The following SCAPER variants were observed in gnomAD, a reference collection of about 807,000 sequenced individuals.
SCAPER encodes the protein S-phase cyclin A associated protein in the ER.
A neutral mutation model predicts 182.2 loss-of-function variants in SCAPER; 98 were observed. That is an observed-to-expected ratio of 0.54 (90% CI 0.46 to 0.64). The LOEUF is 0.64. Ranked by LOEUF, SCAPER falls within the 30% of genes least tolerant of loss-of-function variation. The pLI, the probability that SCAPER is intolerant of heterozygous loss-of-function variation, is 0.00. For missense variants in SCAPER, 1,432 were observed against 1,690.0 expected, an observed-to-expected ratio of 0.85 and a Z score of 2.68; for synonymous variants, 605 against 564.6, an observed-to-expected ratio of 1.07 and a Z score of -1.01.
intron 5 of SCAPER, among the ~76,000 whole-genome samples, chr15:76,813,244 A>C (rs1376188955): frequency 4.2e-4 from 24 of 56,710 alleles, no homozygotes; most frequent in African/African-American, 7.7e-4. Flanking sequence ...AAAAAAAAAA[A>C]AAAAAAAAAA....
intron 15 of SCAPER, 67 bp downstream of exon 15, chr15:76,753,738 TTAC>T (rs1336216274): frequency 1.4e-6 from 2 of 1,474,140 alleles, no homozygotes; most frequent in African/African-American, 2.8e-5. Context: ...TTATCTTCTA[TTAC>T]TATTATATAA....
At chr15:76,486,829 TC>T (rs2051700031) in intron 24 of SCAPER, among the ~76,000 whole-genome samples, 1 of 152,136 alleles carries the variant, frequency 6.6e-6, no homozygotes, top group Non-Finnish European at 1.5e-5. Context: ...AACCCAGCAG[TC>T]CCACTATTGG....
intron 27 of SCAPER, among the ~76,000 whole-genome samples, chr15:76,391,192 T>C (rs1481280072): frequency 6.6e-6 from 1 of 152,170 alleles, no homozygotes; most frequent in Non-Finnish European, 1.5e-5. Context: ...TAGAATACCC[T>C]TTGCTTGGGT....
At chr15:76,758,131 T>A (rs1036430553) in intron 14 of SCAPER, among the ~76,000 whole-genome samples, 5 of 152,208 alleles carry the variant, frequency 3.3e-5, no homozygotes, top group Non-Finnish European at 7.4e-5. Flanking sequence ...TTTTGTTGAC[T>A]GTGTTTTTCT....
At chr15:76,467,253 C>T (rs905139212) in intron 25 of SCAPER, among the ~76,000 whole-genome samples, 13 of 152,078 alleles carry the variant, frequency 8.5e-5, no homozygotes, top group African/African-American at 2.4e-4. Context: ...ACACATTGCA[C>T]GTTCTCTAGT....
intron 25 of SCAPER, among the ~76,000 whole-genome samples, chr15:76,459,271 G>A (rs1023061818): frequency 6.6e-6 from 1 of 152,116 alleles, no homozygotes; most frequent in Non-Finnish European, 1.5e-5. Flanking sequence ...TTCACTTGAC[G>A]TAACGACTTC....
chr15:76,726,124 A>AATATGAATATATATATATATATATAT (rs1555555703), intron 17 of SCAPER, among the ~76,000 whole-genome samples: 3 of 15,354 alleles, frequency 2.0e-4, no homozygotes, highest in African/African-American at 4.4e-4. Flanking sequence ...TAATGTCTAG[A>AATATGAATATATATATATATATATAT]ATATATATAT....
intron 15 of SCAPER, among the ~76,000 whole-genome samples, chr15:76,734,103 A>G (rs897693337): frequency 1.3e-5 from 2 of 152,244 alleles, no homozygotes; most frequent in Admixed American, 1.3e-4. Flanking sequence ...TGAAAGGACA[A>G]AATGTAAAAT....
At chr15:76,568,233 G>C (rs2047187753) in intron 23 of SCAPER, among the ~76,000 whole-genome samples, 1 of 141,404 alleles carries the variant, frequency 7.1e-6, no homozygotes, top group African/African-American at 3.0e-5. Context: ...ATACAAATGG[G>C]ACTGTTTATG....
At chr15:76,694,913 CA>C (rs1704705288) in intron 20 of SCAPER, among the ~76,000 whole-genome samples, 1 of 151,696 alleles carries the variant, frequency 6.6e-6, no homozygotes, top group Admixed American at 6.6e-5. Flanking sequence ...CAATTTTGCC[CA>C]AAAAATACTT....
At chr15:76,765,244 T>C (rs1380679369) in intron 13 of SCAPER, 93 bp downstream of exon 13, 3 of 1,100,824 alleles carry the variant, frequency 2.7e-6, no homozygotes, top group East Asian at 2.5e-5. Context: ...AAGTAATGTG[T>C]CCAAAAATGC....
chr15:76,490,646 G>A (rs2052205174), intron 24 of SCAPER, among the ~76,000 whole-genome samples: 1 of 151,852 alleles, frequency 6.6e-6, no homozygotes, highest in Admixed American at 6.6e-5. Flanking sequence ...ATTTTAATGT[G>A]GTCCCATTTG....
chr15:76,673,528 A>G (rs930122632), intron 20 of SCAPER, among the ~76,000 whole-genome samples: 2 of 152,128 alleles, frequency 1.3e-5, no homozygotes, highest in African/African-American at 4.8e-5. Flanking sequence ...TAATTCTATC[A>G]TCTCTTCTGT....
At chr15:76,410,481 C>T (rs2045209642) in intron 26 of SCAPER, among the ~76,000 whole-genome samples, 1 of 152,202 alleles carries the variant, frequency 6.6e-6, no homozygotes, top group Non-Finnish European at 1.5e-5. Flanking sequence ...GGGCTAGCTT[C>T]TCAAAAGAGG....
At chr15:76,397,526 G>A (rs894548191) in intron 27 of SCAPER, among the ~76,000 whole-genome samples, 15 of 135,258 alleles carry the variant, frequency 1.1e-4, no homozygotes, top group African/African-American at 4.0e-4. Context: ...TGTTGCCCAG[G>A]CTGGAGTGCA....
At chr15:76,810,803 G>C (rs72740799) in intron 5 of SCAPER, among the ~76,000 whole-genome samples, 242 of 152,036 alleles carry the variant, frequency 1.6e-3, no homozygotes, top group Non-Finnish European at 2.7e-3. Flanking sequence ...ACCCCCTTAA[G>C]ATTCAAGAAC....
intron 24 of SCAPER, among the ~76,000 whole-genome samples, chr15:76,489,619 T>C (rs1306317683): frequency 6.6e-6 from 1 of 152,162 alleles, no homozygotes; most frequent in Non-Finnish European, 1.5e-5. Context: ...TCCCTCTTTT[T>C]AAAATTTTAT....
At chr15:76,363,921 C>T (rs946467899) in intron 29 of SCAPER, among the ~76,000 whole-genome samples, 2 of 152,194 alleles carry the variant, frequency 1.3e-5, no homozygotes, top group Non-Finnish European at 2.9e-5. Context: ...AAGTTTGTCA[C>T]ACCTGAAGAC....
chr15:76,420,040 T>C (rs745897588), intron 26 of SCAPER, among the ~76,000 whole-genome samples: 3 of 152,072 alleles, frequency 2.0e-5, no homozygotes, highest in Non-Finnish European at 4.4e-5. Flanking sequence ...AAAAACCTTA[T>C]GATCATTTCA....
Sources: allele counts gnomAD v4.1 joint callset (sites outside exome capture counted in the v4.1 genomes callset), GRCh38; gene constraint gnomAD v4.1.1; transcripts MANE v1.5; gene names NCBI Gene and HGNC (gene_info 2026-07-23, HGNC 2026-07-21).